LINGO1: variants seen among roughly 807,000 people sequenced by gnomAD.
LINGO1 encodes the protein leucine rich repeat and Ig domain containing 1.
A neutral mutation model predicts 37.3 loss-of-function variants in LINGO1; 11 were observed. The ratio of observed to expected loss-of-function variants is 0.29; its 90% CI spans 0.19 to 0.49. The LOEUF is 0.49. LINGO1 is among the 20% of genes least tolerant of loss of function. The pLI is 0.99. For synonymous variants in LINGO1, 387 were observed against 403.0 expected (o/e 0.96, Z 0.48); for missense variants, 585 against 878.2 (o/e 0.67, Z 4.22).
Position 77,701,694 on chromosome 15 carries a change from G to A in LINGO1, c.-194-10793C>T, listed in dbSNP as rs180934516. 1.9e-4 allele frequency among the ~76,000 whole-genome samples: 29 copies of A among 152,126 alleles called. 1 individual carries two copies. The highest frequency in any genetic ancestry group is 1.7e-3 in the Admixed American group (26 of 15,284). ...AGAACTGATTGTTAAAAAGAGCCTG[G>A]CACCTCCCTCCACCCATGGCTCCCT... is the stretch of plus-strand genomic sequence containing the variant. On this transcript the variant is annotated intron_variant, in intron 2 of 3. Transcript: ENST00000561686.
At chr15:77,636,950 C>T (rs114213072), upstream of LINGO1, among the ~76,000 whole-genome samples, 4 of 152,298 alleles carry the variant, frequency 2.6e-5, no homozygotes, top group South Asian at 4.1e-4. Context: ...AGGGGGCTAG[C>T]GGGACAGTCC....
At position 77,690,390 on chromosome 15, in the gene LINGO1, A is replaced by G. The variant is rs553584874; in HGVS notation, c.-99+330T>C. On this transcript the variant is annotated intron_variant, in intron 2 of 3. Coordinates refer to the LINGO1 transcript ENST00000559893. ...AACTGCTGCCAGGCATCTTTTGACCATGTCATGCCAAATGCCACTAAGCAT... is the reference window on the plus strand; with the variant it reads ...AACTGCTGCCAGGCATCTTTTGACCGTGTCATGCCAAATGCCACTAAGCAT... Among the ~76,000 whole-genome samples the G allele has an allele frequency of 2.6e-5, 4 of 152,314 alleles. No individual in the cohort carries two copies. The East Asian group carries it at 7.7e-4, about 29-fold the overall frequency.
chr15:77,643,572 C>G (rs925977093), intron 3 of LINGO1, among the ~76,000 whole-genome samples: 6 of 152,206 alleles, frequency 3.9e-5, no homozygotes, highest in African/African-American at 1.2e-4. Context: ...CCTGCCACCC[C>G]CTTCCCTGCC....
rs530114506 is a variant in LINGO1, at chr15:77,809,770, C to T, written c.-458+10488G>A. On this transcript the variant is annotated intron_variant, in intron 1 of 5. Coordinates refer to the LINGO1 transcript ENST00000562933. ...GCTCTCAGAGCAGAGGACGCCCAGC[C>T]CCTGCCTCGTTTTGCCAGGGAAGAA... Among the ~76,000 whole-genome samples, 14 of 152,360 alleles carry T rather than the reference C, an allele frequency of 9.2e-5. No homozygotes were observed. The South Asian group carries it at 2.5e-3, about 27-fold the overall frequency.
At chr15:77,711,625 G>C (rs1444856589) in intron 2 of LINGO1, among the ~76,000 whole-genome samples, 1 of 152,204 alleles carries the variant, frequency 6.6e-6, no homozygotes, top group Non-Finnish European at 1.5e-5. Context: ...GTTAGCCCGA[G>C]GATTCACAGG....
intron 2 of LINGO1, among the ~76,000 whole-genome samples, chr15:77,710,725 G>C (rs868572740): frequency 6.6e-6 from 1 of 152,248 alleles, no homozygotes; most frequent in African/African-American, 2.4e-5. Flanking sequence ...GCCCACCTGC[G>C]AGGGAGGACG....
intron 3 of LINGO1, among the ~76,000 whole-genome samples, chr15:77,652,519 TGTGTGTGTGTG>T (rs2074783093): frequency 5.3e-5 from 8 of 151,002 alleles, no homozygotes; most frequent in African/African-American, 2.0e-4. Context: ...TGTGTGTGTG[TGTGTGTGTGTG>T]TTGCCAGAAT....
At chr15:77,622,166 C>T (rs2073942941) in intron 1 of LINGO1, among the ~76,000 whole-genome samples, 1 of 152,102 alleles carries the variant, frequency 6.6e-6, no homozygotes, top group East Asian at 1.9e-4. Context: ...CAGGGCTCTG[C>T]CCAGATCCAC....
Position 77,691,887 on chromosome 15 carries a change from C to T in LINGO1, c.-280-986G>A, listed in dbSNP as rs555161574. On this transcript the variant is annotated intron_variant, in intron 1 of 3. Coordinates refer to the LINGO1 transcript ENST00000559893. ...GGTGGGGGTTGGGTTGCAGGATGTA[C>T]GAGGCCCACTCCCATCTGTCACCCC... is the stretch of plus-strand genomic sequence containing the variant. Among the ~76,000 whole-genome samples the T allele has an allele frequency of 7.9e-5, 12 of 152,146 alleles. No homozygotes were observed. The East Asian group carries it at 1.7e-3, about 22-fold the overall frequency.
chr15:77,674,049 A>G (rs1388927385), intron 3 of LINGO1, among the ~76,000 whole-genome samples: 1 of 151,956 alleles, frequency 6.6e-6, no homozygotes, highest in African/African-American at 2.4e-5. Context: ...CCTGTCCACC[A>G]CTGAACCACT....
chr15:77,678,116 C>T (rs141708132), intron 2 of LINGO1, among the ~76,000 whole-genome samples: 191 of 152,390 alleles, frequency 1.3e-3, no homozygotes, highest in Non-Finnish European at 2.0e-3. Context: ...CCCTGACAGA[C>T]TGACTTGTTA....
intron 1 of LINGO1, among the ~76,000 whole-genome samples, chr15:77,776,059 C>T (rs919633165): frequency 2.6e-5 from 4 of 152,150 alleles, no homozygotes; most frequent in African/African-American, 2.4e-5. Context: ...AGCCTGTGGC[C>T]GCCACCACCA....
chr15:77,748,163 G>A (rs1265550945), intron 1 of LINGO1, among the ~76,000 whole-genome samples: 1 of 152,226 alleles, frequency 6.6e-6, no homozygotes, highest in African/African-American at 2.4e-5. Context: ...CCCAGCGGGT[G>A]TGAACACCAG....
At chr15:77,726,835 C>T (rs1355090465) in intron 2 of LINGO1, among the ~76,000 whole-genome samples, 1 of 152,226 alleles carries the variant, frequency 6.6e-6, no homozygotes, top group African/African-American at 2.4e-5. Context: ...GAAATGTTGG[C>T]AACCCATGTA....
chr15:77,653,527 T>A (rs753530416), intron 3 of LINGO1, among the ~76,000 whole-genome samples: 7 of 152,190 alleles, frequency 4.6e-5, no homozygotes, highest in Non-Finnish European at 1.5e-5. Context: ...TTGATCTGGA[T>A]CTTATGAAGC....
upstream of LINGO1, among the ~76,000 whole-genome samples, chr15:77,636,952 G>A (rs1324164181): frequency 6.6e-6 from 1 of 152,218 alleles, no homozygotes; most frequent in Non-Finnish European, 1.5e-5. Flanking sequence ...GGGGCTAGCG[G>A]GACAGTCCCT....
chr15:77,749,458 C>A (rs947173295), intron 1 of LINGO1, among the ~76,000 whole-genome samples: 17 of 152,366 alleles, frequency 1.1e-4, no homozygotes, highest in African/African-American at 3.8e-4. Context: ...TACATCCTGG[C>A]CTCACAGCCC....
At chr15:77,760,167 C>T (rs2076460919) in intron 1 of LINGO1, among the ~76,000 whole-genome samples, 2 of 152,218 alleles carry the variant, frequency 1.3e-5, no homozygotes, top group Admixed American at 1.3e-4. Context: ...TGACTCTCTC[C>T]TCCGTGGTGA....
upstream of LINGO1, among the ~76,000 whole-genome samples, chr15:77,639,211 C>T (rs2074451933): frequency 6.6e-6 from 1 of 152,102 alleles, no homozygotes; most frequent in African/African-American, 2.4e-5. Context: ...TAGAGGTACC[C>T]AGCTAAGCCT....
Sources: gnomAD v4.1 joint callset for allele counts (sites outside exome capture counted in the v4.1 genomes callset) on GRCh38, gnomAD v4.1.1 for gene constraint, MANE v1.5 for transcripts, NCBI Gene and HGNC (gene_info 2026-07-23, HGNC 2026-07-21) for gene names.